The following ENPP6 variants were observed in gnomAD, a reference collection of about 807,000 sequenced individuals.
ENPP6 encodes the protein glycerophosphocholine cholinephosphodiesterase ENPP6.
A neutral mutation model predicts 42.0 loss-of-function variants in ENPP6; 32 were observed. The ratio of observed to expected loss-of-function variants is 0.76; its 90% CI spans 0.58 to 1.02. The LOEUF (loss-of-function observed/expected upper bound fraction) is 1.02, where lower values mean the gene tolerates loss of function less well. Ranked by LOEUF, ENPP6 falls within the 50% of genes least tolerant of loss-of-function variation. The pLI is 0.00. For synonymous variants in ENPP6, 213 were observed against 216.0 expected (o/e 0.99, Z 0.12); for missense variants, 552 against 566.8 (o/e 0.97, Z 0.27).
chr4:184,134,306 G>T (rs533022474), intron 2 of ENPP6, among the ~76,000 whole-genome samples: 1 of 152,118 alleles, frequency 6.6e-6, no homozygotes, highest in South Asian at 2.1e-4. Flanking sequence ...TTCTCTGGAA[G>T]AATTTCTGTA....
intron 1 of ENPP6, among the ~76,000 whole-genome samples, chr4:184,188,209 G>A (rs1433373410): frequency 3.9e-5 from 6 of 152,096 alleles, no homozygotes; most frequent in African/African-American, 1.4e-4. Flanking sequence ...TTATGTTTAT[G>A]TTTCAATTCT....
intron 2 of ENPP6, among the ~76,000 whole-genome samples, chr4:184,148,553 T>A (rs1736964931): frequency 6.6e-6 from 1 of 152,168 alleles, no homozygotes; most frequent in Non-Finnish European, 1.5e-5. Flanking sequence ...CTTTTGAAGA[T>A]CATTTTGTGG....
rs1410527622 is a variant in ENPP6 at position 184,184,812 on chromosome 4, C to T, written c.242-31079G>A. 1.3e-5 allele frequency among the ~76,000 whole-genome samples: 2 copies of T among 152,086 alleles called. No homozygotes were observed. Among genetic ancestry groups the T allele is most frequent in the African/African-American group, 2.4e-5 (1 of 41,410 alleles). ...TAGAACAGATTCTCCCTCGGAGCAC[C>T]GAGAAGGCAAAACCCTTGATTTTGG... On this transcript the variant is annotated intron_variant, in intron 1 of 7. Transcript: ENST00000296741. The surrounding 1 kb of genome is among the most constrained non-coding windows in gnomAD (Gnocchi z 4.7).
At chr4:184,190,466 T>G (rs1196602120) in intron 1 of ENPP6, among the ~76,000 whole-genome samples, 2 of 152,258 alleles carry the variant, frequency 1.3e-5, no homozygotes, top group African/African-American at 4.8e-5. Context: ...ATGTTTCATC[T>G]GCTCTAAGAC....
chr4:184,151,178 A>T (rs1737018492), intron 2 of ENPP6, among the ~76,000 whole-genome samples: 1 of 152,204 alleles, frequency 6.6e-6, no homozygotes, highest in African/African-American at 2.4e-5. Flanking sequence ...TCTCTACCAA[A>T]AATACAAAAA....
In ENPP6 at chr4:184,107,169, T is replaced by G. The variant is rs115880105; in HGVS notation, c.993+5503A>C. ...CCGTGCTCTGGGGAAGAGTGTGATC[T>G]TCATCCCCTGTGGGAAGATGCAGGG... On this transcript the variant is annotated intron_variant, in intron 6 of 7. Coordinates refer to ENST00000296741, the MANE Select transcript of ENPP6 (RefSeq NM_153343.4). Among the ~76,000 whole-genome samples, 610 of 152,120 alleles carry G rather than the reference T, an allele frequency of 4.0e-3. 6 individuals carry two copies. The highest frequency in any genetic ancestry group is 0.014 in the Middle Eastern group (4 of 294).
intron 2 of ENPP6, among the ~76,000 whole-genome samples, chr4:184,145,743 C>A (rs559429193): frequency 3.3e-4 from 51 of 152,362 alleles, no homozygotes; most frequent in African/African-American, 1.2e-3. Context: ...CCTCCCCAGC[C>A]CCTGAGCCAC....
chr4:184,157,774 A>ATTTTTTTTTTT (rs34358499), intron 1 of ENPP6, among the ~76,000 whole-genome samples: 2 of 122,360 alleles, frequency 1.6e-5, no homozygotes, highest in African/African-American at 3.1e-5. Context: ...AACTTGGCTA[A>ATTTTTTTTTTT]TTTTTTTTTT....
intron 2 of ENPP6, among the ~76,000 whole-genome samples, chr4:184,140,110 G>C (rs62340122): frequency 0.64 from 95,703 of 149,644 alleles, 30,927 homozygotes; most frequent in Non-Finnish European, 0.68. Context: ...GATGGCCAGT[G>C]ATGGTGAGCA....
At position 184,184,177 on chromosome 4, in the gene ENPP6, C is replaced by T. The variant is rs1209136087; in HGVS notation, c.242-30444G>A. Among the ~76,000 whole-genome samples, 2 of 152,078 alleles carry T rather than the reference C, an allele frequency of 1.3e-5. No homozygotes were observed. Among genetic ancestry groups the T allele is most frequent in the Non-Finnish European group, 2.9e-5 (2 of 68,022 alleles). On this transcript the variant is annotated intron_variant, in intron 1 of 7. Coordinates refer to ENST00000296741, the MANE Select transcript of ENPP6 (RefSeq NM_153343.4). The surrounding 1 kb of genome is among the most constrained non-coding windows in gnomAD (Gnocchi z 4.7). ...CAGCGGTAAGTTTTATCTTAACTAC[C>T]GCAGTCACTGTGAGAGTCAGCAGAA...
intron 2 of ENPP6, among the ~76,000 whole-genome samples, chr4:184,138,940 A>T (rs991396541): frequency 3.3e-5 from 5 of 152,244 alleles, no homozygotes; most frequent in African/African-American, 1.2e-4. Flanking sequence ...CCTAATTACG[A>T]TCTACTAAGA....
rs1560987464 is a variant in ENPP6 at position 184,131,256 on chromosome 4, TTCTCTTCCTTC to T, written c.422-6995_422-6985del. Among the ~76,000 whole-genome samples, 225 of 39,512 alleles carry T rather than the reference TTCTCTTCCTTC, an allele frequency of 5.7e-3. 31 individuals carry two copies. The highest frequency in any genetic ancestry group is 0.019 in the African/African-American group (202 of 10,366). The allele number at this position is 39,512 out of a possible 152,430, so 25.9% of individuals were successfully genotyped here. A position where few individuals can be genotyped will look rare whatever the true frequency, so the allele number is the denominator to read the frequency against. On this transcript the variant is annotated intron_variant, in intron 2 of 7. Transcript: ENST00000296741. The stretch of plus-strand genomic sequence containing the variant: ...TTTCCTTTTCTTTCTTTCTTTCTCT[TTCTCTTCCTTC>T]CTTCCTTCCTTCCTTCCTTCCTTCC...
At position 184,090,219 on chromosome 4, in the gene ENPP6, A is replaced by C. The variant is rs979117904; in HGVS notation, c.*958T>G. The C allele has an allele frequency of 2.6e-5, 4 of 152,250 alleles. No individual in the cohort carries two copies. Among genetic ancestry groups the C allele is most frequent in the African/African-American group, 9.7e-5 (4 of 41,420 alleles). 9.4% of individuals were successfully genotyped at this position (152,250 alleles called of 1,614,324 possible). A position where few individuals can be genotyped will look rare whatever the true frequency, so the allele number is the denominator to read the frequency against. On this transcript the variant is annotated 3_prime_UTR_variant, in exon 8 of 8. Coordinates refer to ENST00000296741, the MANE Select transcript of ENPP6 (RefSeq NM_153343.4). ...CACCGAGATCCTTGCTGATGCCTCC[A>C]CATTCTCATCAGTGAGCCAGCCCTT...
At chr4:184,172,248 G>A (rs1331628307) in intron 1 of ENPP6, among the ~76,000 whole-genome samples, 1 of 152,154 alleles carries the variant, frequency 6.6e-6, no homozygotes, top group Admixed American at 6.5e-5. Context: ...ATGCAGGCGG[G>A]TCTTCCTTAT....
At chr4:184,147,870 C>A (rs1736955703) in intron 2 of ENPP6, among the ~76,000 whole-genome samples, 1 of 151,738 alleles carries the variant, frequency 6.6e-6, no homozygotes, top group African/African-American at 2.4e-5. Flanking sequence ...TCCACCTTAT[C>A]CACACCACAC....
At chr4:184,176,881 C>T (rs1737572213) in intron 1 of ENPP6, among the ~76,000 whole-genome samples, 2 of 152,176 alleles carry the variant, frequency 1.3e-5, no homozygotes, top group Admixed American at 1.3e-4. Flanking sequence ...GAGACTCTGT[C>T]TCTAACTACA....
At chr4:184,098,350 C>G (rs778850516) in intron 6 of ENPP6, among the ~76,000 whole-genome samples, 8 of 152,174 alleles carry the variant, frequency 5.3e-5, no homozygotes, top group Non-Finnish European at 2.9e-5. Context: ...AACCGAATGG[C>G]GGGATATCCA....
chr4:184,095,654 CAAA>C (rs71700505), intron 7 of ENPP6, among the ~76,000 whole-genome samples: 31 of 139,732 alleles, frequency 2.2e-4, no homozygotes, highest in East Asian at 6.0e-4. Context: ...GAAACTGTCT[CAAA>C]AAAAAAAAAT....
intron 1 of ENPP6, among the ~76,000 whole-genome samples, chr4:184,209,363 A>G (rs1733071341): frequency 6.7e-6 from 1 of 149,120 alleles, no homozygotes; most frequent in Non-Finnish European, 1.5e-5. Flanking sequence ...ATGTATAACT[A>G]GAATAACCAA....
Sources: allele counts gnomAD v4.1 joint callset (sites outside exome capture counted in the v4.1 genomes callset), GRCh38; gene constraint gnomAD v4.1.1; non-coding constraint Gnocchi (gnomAD v3.1); transcripts MANE v1.5; gene names NCBI Gene and HGNC (gene_info 2026-07-23, HGNC 2026-07-21).